Variants in EPB41L3 observed in about 807,000 individuals in gnomAD.
EPB41L3 encodes the protein band 4.1-like protein 3.
Under a neutral mutation model 127.1 loss-of-function variants are expected in EPB41L3, and 57 were observed. That is an observed-to-expected ratio of 0.45 (90% CI 0.36 to 0.56). The LOEUF is 0.56. Ranked by LOEUF, EPB41L3 falls within the 20% of genes least tolerant of loss-of-function variation. The probability of loss-of-function intolerance (pLI) is 0.00; values close to 1 mark genes in which losing one functional copy is unlikely to be tolerated. For missense variants in EPB41L3, 1,273 were observed against 1,372.2 expected, an observed-to-expected ratio of 0.93 and a Z score of 1.14; for synonymous variants, 572 against 549.5, an observed-to-expected ratio of 1.04 and a Z score of -0.57.
At chr18:5,549,736 A>T (rs2093937745) in intron 3 of EPB41L3, among the ~76,000 whole-genome samples, 1 of 152,184 alleles carries the variant, frequency 6.6e-6, no homozygotes. Context: ...CCAGGTGATT[A>T]TAAATCACAC....
At chr18:5,393,974 T>C (rs1334685887) in intron 22 of EPB41L3, 1 of 157,372 alleles carries the variant, frequency 6.4e-6, no homozygotes, top group African/African-American at 2.4e-5. Flanking sequence ...ACATAGATGA[T>C]ATAGTCTGCT....
At chr18:5,441,592 A>T (rs990463740) in intron 5 of EPB41L3, among the ~76,000 whole-genome samples, 14 of 148,088 alleles carry the variant, frequency 9.5e-5, no homozygotes, top group Admixed American at 7.4e-4. Flanking sequence ...CAGCCTCCCG[A>T]GTAGCTGGGA....
rs1287459288 is a variant in EPB41L3 at position 5,492,341 on chromosome 18, T to C, written c.-11-3147A>G. On this transcript the variant is annotated intron_variant, in intron 1 of 22. Coordinates refer to ENST00000341928, the MANE Select transcript of EPB41L3 (RefSeq NM_012307.5). Reference sequence around the variant, plus strand: ...TCTCAAAAAAATAAATACAATACAATATAATATGCCTAACTTTAACTCGTT... The same window carrying C: ...TCTCAAAAAAATAAATACAATACAACATAATATGCCTAACTTTAACTCGTT... 2.7e-5 allele frequency among the ~76,000 whole-genome samples: 4 copies of C among 146,436 alleles called. 1 individual carries two copies. Among genetic ancestry groups the C allele is most frequent in the African/African-American group, 5.4e-5 (2 of 36,698 alleles).
rs908545394 is a variant in EPB41L3 at position 5,428,300 on chromosome 18, T to C, written c.1065+13A>G. On this transcript the variant is annotated intron_variant, in intron 9 of 22. Coordinates refer to ENST00000341928, the MANE Select transcript of EPB41L3 (RefSeq NM_012307.5). The stretch of plus-strand genomic sequence containing the variant: ...TTTCCTCCCAACGCACAGGCAAATG[T>C]GGGTATACTTACCTCTCCCGGCCGG... 16 of 1,613,680 alleles carry C rather than the reference T, an allele frequency of 9.9e-6. No individual in the cohort carries two copies. In the African/African-American group the frequency reaches 1.6e-4, roughly 16 times the overall value.
rs114412531 is a variant in EPB41L3, at chr18:5,589,380, T to C, written c.-306+22960A>G. ...AAGGATGGTATTTGTTTTATAATAA[T>C]ATGCAGTTATTTATCTCTTAACTCA... On this transcript the variant is annotated intron_variant, in intron 3 of 21. Coordinates refer to the EPB41L3 transcript ENST00000545076. 8.9e-3 allele frequency among the ~76,000 whole-genome samples: 1,340 copies of C among 149,822 alleles called. 16 individuals carry two copies. The highest frequency in any genetic ancestry group is 0.031 in the African/African-American group (1,262 of 40,784).
intron 2 of EPB41L3, among the ~76,000 whole-genome samples, chr18:5,488,098 A>G (rs970988358): frequency 6.6e-6 from 1 of 152,174 alleles, no homozygotes; most frequent in Non-Finnish European, 1.5e-5. Context: ...ATGTAAAACC[A>G]TACTTTAAAA....
At chr18:5,614,318 A>C (rs2094765935) in intron 2 of EPB41L3, 2 of 152,242 alleles carry the variant, frequency 1.3e-5, no homozygotes, top group Non-Finnish European at 2.9e-5. Flanking sequence ...AACTTCCCTT[A>C]CATGATCAGA....
intron 3 of EPB41L3, among the ~76,000 whole-genome samples, chr18:5,606,241 G>A (rs895385586): frequency 2.6e-5 from 4 of 152,088 alleles, no homozygotes; most frequent in African/African-American, 9.7e-5. Context: ...ATAAAGCAAA[G>A]AGCAGCAACA....
chr18:5,449,312 A>T (rs1221341487), intron 3 of EPB41L3, among the ~76,000 whole-genome samples: 1 of 152,204 alleles, frequency 6.6e-6, no homozygotes, highest in Non-Finnish European at 1.5e-5. Flanking sequence ...AATGGCTAAA[A>T]TCCAGAACAA....
intron 3 of EPB41L3, among the ~76,000 whole-genome samples, chr18:5,603,330 G>A (rs921492116): frequency 6.6e-6 from 1 of 152,146 alleles, no homozygotes; most frequent in Non-Finnish European, 1.5e-5. Flanking sequence ...CCAAATCATG[G>A]GAGGTTCTTA....
chr18:5,518,409 T>A (rs2092840587), intron 1 of EPB41L3: 1 of 152,772 alleles, frequency 6.5e-6, no homozygotes, highest in Non-Finnish European at 1.5e-5. Flanking sequence ...TTGCCCTAAC[T>A]ACTCCCTAAA....
At chr18:5,575,629 G>A (rs185838952) in intron 3 of EPB41L3, among the ~76,000 whole-genome samples, 268 of 152,220 alleles carry the variant, frequency 1.8e-3, no homozygotes, top group Non-Finnish European at 2.9e-3. Context: ...CTGAGGTCAG[G>A]AGTTCGAGAC....
At chr18:5,475,875 T>C (rs1451561507) in intron 3 of EPB41L3, among the ~76,000 whole-genome samples, 1 of 152,132 alleles carries the variant, frequency 6.6e-6, no homozygotes, top group African/African-American at 2.4e-5. Flanking sequence ...TGTGTTTCTG[T>C]GCCTTCGTCA....
At chr18:5,572,032 G>A (rs1221987844) in intron 3 of EPB41L3, among the ~76,000 whole-genome samples, 7 of 152,150 alleles carry the variant, frequency 4.6e-5, no homozygotes, top group Admixed American at 6.5e-5. Flanking sequence ...TGTGCACTAC[G>A]TAAATAACCA....
At chr18:5,401,593 CAAAT>C in intron 16 of EPB41L3, among the ~76,000 whole-genome samples, 1 of 152,016 alleles carries the variant, frequency 6.6e-6, no homozygotes, top group African/African-American at 2.4e-5. Context: ...TTATTGCCCA[CAAAT>C]AAAGAAAAAA....
chr18:5,495,390 T>C (rs2091053522), intron 1 of EPB41L3, among the ~76,000 whole-genome samples: 1 of 145,354 alleles, frequency 6.9e-6, no homozygotes, highest in Admixed American at 6.8e-5. Context: ...CAAATCAGTA[T>C]TGGAAACTTA....
At chr18:5,433,819 A>C in intron 7 of EPB41L3, 84 bp downstream of exon 7, 1 of 1,445,776 alleles carries the variant, frequency 6.9e-7, no homozygotes, top group Non-Finnish European at 9.7e-7. Context: ...AATGGACTGA[A>C]ATCAGTACTG....
At chr18:5,413,974 A>G (rs978215174) in intron 13 of EPB41L3, among the ~76,000 whole-genome samples, 3 of 152,216 alleles carry the variant, frequency 2.0e-5, no homozygotes, top group African/African-American at 7.2e-5. Context: ...TTACAACAAG[A>G]TGTATACCCT....
At chr18:5,513,159 G>T (rs1007370420) in intron 1 of EPB41L3, among the ~76,000 whole-genome samples, 1 of 152,102 alleles carries the variant, frequency 6.6e-6, no homozygotes, top group African/African-American at 2.4e-5. Context: ...ATCAGCCTGG[G>T]TCCCTCCATT....
Sources: allele counts gnomAD v4.1 joint callset (sites outside exome capture counted in the v4.1 genomes callset), GRCh38; gene constraint gnomAD v4.1.1; transcripts MANE v1.5; gene names NCBI Gene and HGNC (gene_info 2026-07-23, HGNC 2026-07-21).